Variants in AMHR2 observed in about 807,000 individuals in gnomAD.
The protein encoded by AMHR2 is anti-Mullerian hormone receptor type 2, also known as anti-Muellerian hormone type-2 receptor.
AMHR2 carries 36 observed loss-of-function variants against 61.4 expected under a neutral mutation model. That is an observed-to-expected ratio of 0.59 (90% CI 0.45 to 0.77). The LOEUF (loss-of-function observed/expected upper bound fraction) is 0.77. Ranked by LOEUF, AMHR2 falls within the 30% of genes least tolerant of loss-of-function variation. The pLI, the probability that AMHR2 is intolerant of heterozygous loss-of-function variation, is 0.00. For missense variants in AMHR2, 638 were observed against 714.6 expected (o/e 0.89, Z 1.22); for synonymous variants, 258 against 279.4 (o/e 0.92, Z 0.76).
At chr12:53,425,052 G>T in intron 3 of AMHR2, 113 bp from the exon 4 acceptor site, 2 of 1,590,174 alleles carry the variant, frequency 1.3e-6, no homozygotes, top group South Asian at 1.1e-5. Flanking sequence ...GGGAGATAAG[G>T]GGTCTTGTGA....
At position 53,430,093 on chromosome 12, in the gene AMHR2, A is replaced by G. The variant is rs1170979256; in HGVS notation, c.1289-53A>G. Reference sequence around the variant, plus strand: ...CTCTTCCCTGTCTTGCCCTTTCTACATGGTAGGCACCCCTAGGACTAACTG... The same window carrying G: ...CTCTTCCCTGTCTTGCCCTTTCTACGTGGTAGGCACCCCTAGGACTAACTG... On this transcript the variant is annotated intron_variant, in intron 9 of 10. Coordinates refer to ENST00000257863, the MANE Select transcript of AMHR2 (RefSeq NM_020547.3). 1.1e-5 allele frequency: 18 copies of G among 1,613,870 alleles called. No individual in the cohort carries two copies. In the East Asian group the frequency reaches 3.8e-4, roughly 34 times the overall value.
chr12:53,425,906 A>T lies in AMHR2; in HGVS notation c.839A>T (p.Glu280Val), dbSNP rs1195480427. The change falls in exon 6 of 11, where the codon GAA becomes GTA. Residue 280 changes from glutamate to valine, a missense_variant. Transcript: ENST00000257863. ...CTCTCTGGGCCCCTGCTGGTACTGG[A>T]ACTGCATCCCAAGGTGAGCACCAAG... ...RLLSGPLLVL[E>V]LHPKGSLCHY... is the part of the protein sequence containing the mutation. 1 of 1,613,918 alleles carries T rather than the reference A, an allele frequency of 6.2e-7. No homozygotes were observed. The highest frequency in any genetic ancestry group is 1.7e-5 in the Admixed American group (1 of 59,988).
chr12:53,429,947 G>C lies in AMHR2; in HGVS notation c.1257G>C (p.Glu419Asp), dbSNP rs1298396864. 6.2e-7 allele frequency: 1 copy of C among 1,614,238 alleles called. No individual in the cohort carries two copies. The highest frequency in any genetic ancestry group is 8.5e-7 in the Non-Finnish European group (1 of 1,180,038). ...DIYSLALLLW[E>D]ILSRCPDLRP... is the part of the protein sequence containing the mutation. Reference sequence around the variant, plus strand: ...ACTCTTTGGCTCTGCTCCTGTGGGAGATACTGAGCCGCTGCCCAGATTTGA... The same window carrying C: ...ACTCTTTGGCTCTGCTCCTGTGGGACATACTGAGCCGCTGCCCAGATTTGA... Residue 419 changes from glutamate to aspartate, a missense_variant, in exon 9 of 11, where the codon GAG becomes GAC. Transcript: ENST00000257863.
Position 53,431,394 on chromosome 12 carries a change from G to T in AMHR2, c.1643G>T (p.Arg548Leu), listed in dbSNP as rs144262887. 1.1e-5 allele frequency: 17 copies of T among 1,614,220 alleles called. No individual in the cohort carries two copies. The highest frequency in any genetic ancestry group is 1.4e-5 in the Non-Finnish European group (16 of 1,180,044). ...ACCATCCTCCCCTGTAGGCCTCAGC[G>T]GAGTGCCTGCCACTTCAGCGTTCAG... is the stretch of plus-strand genomic sequence containing the variant. ...APTILPCRPQ[R>L]SACHFSVQQG... The change falls in exon 11 of 11, where the codon CGG becomes CTG. Residue 548 changes from arginine to leucine, a missense_variant. Coordinates refer to ENST00000257863, the MANE Select transcript of AMHR2 (RefSeq NM_020547.3).
Position 53,425,919 on chromosome 12 carries a change from G to A in AMHR2, c.852G>A (p.Lys284=). 1 of 1,613,640 alleles carries A rather than the reference G, an allele frequency of 6.2e-7. No homozygotes were observed. The highest frequency in any genetic ancestry group is 8.5e-7 in the Non-Finnish European group (1 of 1,179,806). ...GPLLVLELHP[K]GSLCHYLTQY... is the part of the protein sequence containing the mutation. ...TGCTGGTACTGGAACTGCATCCCAA[G>A]GTGAGCACCAAGGAGTGTATATGTG... Residue 284 remains lysine (K), a splice_region_variant and synonymous_variant, in exon 6 of 11, where the codon AAG becomes AAA. Transcript: ENST00000257863.
intron 7 of AMHR2, 70 bp from the exon 8 acceptor site, chr12:53,429,383 C>A: frequency 1.3e-6 from 2 of 1,509,582 alleles, no homozygotes; most frequent in Non-Finnish European, 1.8e-6. Context: ...CAGAGCGAGA[C>A]GCCGACTCAA....
intron 6 of AMHR2, among the ~76,000 whole-genome samples, chr12:53,428,401 C>G (rs1483281377): frequency 6.6e-6 from 1 of 152,182 alleles, no homozygotes; most frequent in Non-Finnish European, 1.5e-5. Context: ...CAAGGTGACT[C>G]ATGAAGGATG....
At position 53,431,588 on chromosome 12, in the gene AMHR2, C is replaced by G; in HGVS notation, c.*115C>G. ...CCTGCCGAATCCTTGGATTCTTCTG[C>G]GGGCATCCAGTCCACATCAGTTCTG... On this transcript the variant is annotated 3_prime_UTR_variant, in exon 11 of 11. Coordinates refer to ENST00000257863, the MANE Select transcript of AMHR2 (RefSeq NM_020547.3). 4 of 1,349,006 alleles carry G rather than the reference C, an allele frequency of 3.0e-6. No individual in the cohort carries two copies. In the South Asian group the frequency reaches 3.6e-5, roughly 12 times the overall value. The allele number at this position is 1,349,006 out of a possible 1,614,324, so 83.6% of individuals were successfully genotyped here. A position where few individuals can be genotyped will look rare whatever the true frequency, so the allele number is the denominator to read the frequency against.
rs777265708 is a variant in AMHR2 at position 53,424,232 on chromosome 12, T to G, written c.50-56T>G. The G allele has an allele frequency of 8.0e-4, 1,286 of 1,606,254 alleles. 2 individuals carry two copies. Among genetic ancestry groups the G allele is most frequent in the Non-Finnish European group, 9.8e-4 (1,153 of 1,174,656 alleles). ...TTGTCTATTCTTTTGGCCAGTTTTT[T>G]GCCTCTGCATTCACTCCCACCTTGA... On this transcript the variant is annotated intron_variant, in intron 1 of 10. Coordinates refer to ENST00000257863, the MANE Select transcript of AMHR2 (RefSeq NM_020547.3).
rs1939980258 is a variant in AMHR2, at chr12:53,430,055, T to C, written c.1288+77T>C. 8 of 1,613,924 alleles carry C rather than the reference T, an allele frequency of 5.0e-6. No individual in the cohort carries two copies. In the Admixed American group the frequency reaches 1.3e-4, roughly 27 times the overall value. ...AGGTTCACCCCAACCTGACCTGGCC[T>C]GAGAAAGCTCTGCTCTTCCCTGTCT... On this transcript the variant is annotated intron_variant, in intron 9 of 10. Transcript: ENST00000257863.
intron 6 of AMHR2, among the ~76,000 whole-genome samples, chr12:53,428,629 C>T (rs1045769542): frequency 6.6e-6 from 1 of 152,094 alleles, no homozygotes; most frequent in African/African-American, 2.4e-5. Context: ...CACCTACCTT[C>T]TAGGGTTTTC....
In AMHR2 at chr12:53,431,264, C is replaced by T. The variant is rs773483932; in HGVS notation, c.1513C>T (p.Leu505=). 7 of 1,614,256 alleles carry T rather than the reference C, an allele frequency of 4.3e-6. No individual in the cohort carries two copies. Among genetic ancestry groups the T allele is most frequent in the Non-Finnish European group, 5.9e-6 (7 of 1,180,054 alleles). The change falls in exon 11 of 11, where the codon CTG becomes TTG. Residue 505 remains leucine, a synonymous_variant. Transcript: ENST00000257863. ...RLTAECVQQR[L]AALAHPQESH... ...GACAGCTGAGTGTGTACAGCAGCGCCTGGCTGCCTTGGCCCATCCTCAAGA... is the reference window on the plus strand; with the variant it reads ...GACAGCTGAGTGTGTACAGCAGCGCTTGGCTGCCTTGGCCCATCCTCAAGA...
chr12:53,428,937 G>C lies in AMHR2; in HGVS notation c.894G>C (p.Trp298Cys), dbSNP rs1484600833. 1 of 1,551,654 alleles carries C rather than the reference G, an allele frequency of 6.4e-7. No homozygotes were observed. The highest frequency in any genetic ancestry group is 8.7e-7 in the Non-Finnish European group (1 of 1,147,052). Residue 298 changes from tryptophan to cysteine, a missense_variant, in exon 7 of 11, where the codon TGG becomes TGC. Physicochemically the swap from Trp to Cys is radical, Grantham distance 215 (BLOSUM62 -2). Coordinates refer to ENST00000257863, the MANE Select transcript of AMHR2 (RefSeq NM_020547.3). ...ACTTGACCCAGTACACCAGTGACTGGGGAAGTTCCCTGCGGATGGCACTGT... is the reference window on the plus strand; with the variant it reads ...ACTTGACCCAGTACACCAGTGACTGCGGAAGTTCCCTGCGGATGGCACTGT... ...CHYLTQYTSD[W>C]GSSLRMALSL... is the part of the protein sequence containing the mutation.
In AMHR2 at chr12:53,431,586, T is replaced by C; in HGVS notation, c.*113T>C. 1.5e-6 allele frequency: 2 copies of C among 1,371,470 alleles called. No individual in the cohort carries two copies. The highest frequency in any genetic ancestry group is 2.4e-5 in the South Asian group (2 of 83,532). 85.0% of individuals were successfully genotyped at this position (1,371,470 alleles called of 1,614,324 possible). A position where few individuals can be genotyped will look rare whatever the true frequency, so the allele number is the denominator to read the frequency against. ...CACCTGCCGAATCCTTGGATTCTTC[T>C]GCGGGCATCCAGTCCACATCAGTTC... On this transcript the variant is annotated 3_prime_UTR_variant, in exon 11 of 11. Transcript: ENST00000257863.
intron 6 of AMHR2, among the ~76,000 whole-genome samples, 161 bp from the exon 7 acceptor site, chr12:53,428,735 C>A (rs1939830871): frequency 6.6e-6 from 1 of 152,198 alleles, no homozygotes; most frequent in South Asian, 2.1e-4. Context: ...TCAATTGATG[C>A]ACAGTCTTAC....
At chr12:53,430,574 C>G in intron 10 of AMHR2, 1 of 510,966 alleles carries the variant, frequency 2.0e-6, no homozygotes, top group South Asian at 2.0e-5. Context: ...TTCCTCAGTC[C>G]CCTTCTCCAG....
intron 10 of AMHR2, 68 bp downstream of exon 10, chr12:53,430,350 C>T (rs1224203839): frequency 3.7e-6 from 6 of 1,611,134 alleles, no homozygotes; most frequent in Non-Finnish European, 5.1e-6. Context: ...TCAAGGACGT[C>T]TCTGCCAGAG....
chr12:53,431,421 A>C lies in AMHR2; in HGVS notation c.1670A>C (p.Gln557Pro), dbSNP rs779849648. The C allele has an allele frequency of 2.5e-6, 4 of 1,614,114 alleles. No homozygotes were observed. In the East Asian group the frequency reaches 8.9e-5, roughly 36 times the overall value. Residue 557 changes from glutamine to proline, a missense_variant, in exon 11 of 11, where the codon CAA becomes CCA. Coordinates refer to ENST00000257863, the MANE Select transcript of AMHR2 (RefSeq NM_020547.3). ...QRSACHFSVQ[Q>P]GPCSRNPQPA... is the part of the protein sequence containing the mutation. ...AGTGCCTGCCACTTCAGCGTTCAGCAAGGCCCTTGTTCCAGGAATCCTCAG... is the reference window on the plus strand; with the variant it reads ...AGTGCCTGCCACTTCAGCGTTCAGCCAGGCCCTTGTTCCAGGAATCCTCAG...
At position 53,429,842 on chromosome 12, in the gene AMHR2, G is replaced by C. The variant is rs776729278; in HGVS notation, c.1152G>C (p.Gln384His). 1.9e-6 allele frequency: 3 copies of C among 1,614,226 alleles called. No individual in the cohort carries two copies. The highest frequency in any genetic ancestry group is 1.7e-5 in the Admixed American group (1 of 60,022). The part of the protein sequence containing the change: ...GPAAIMEAGT[Q>H]RYMAPELLDK... ...GCCTTGCTCTCCAGGCTGGCACCCA[G>C]AGGTACATGGCACCAGAGCTCTTGG... Residue 384 changes from glutamine (Q) to histidine (H), a missense_variant, in exon 9 of 11, where the codon CAG (glutamine) becomes CAC (histidine). Transcript: ENST00000257863.
Sources: gnomAD v4.1 joint callset for allele counts (sites outside exome capture counted in the v4.1 genomes callset) on GRCh38, gnomAD v4.1.1 for gene constraint, MANE v1.5 for transcripts, NCBI Gene and HGNC (gene_info 2026-07-23, HGNC 2026-07-21) for gene names.